Variants in CAMSAP3 observed in about 807,000 individuals in gnomAD.
The protein encoded by CAMSAP3 is calmodulin regulated spectrin associated protein family member 3.
Under a neutral mutation model 112.5 loss-of-function variants are expected in CAMSAP3, and 34 were observed. That is an observed-to-expected ratio of 0.30 (90% CI 0.23 to 0.40). The LOEUF (loss-of-function observed/expected upper bound fraction) is 0.40, where lower values mean the gene tolerates loss of function less well. Ranked by LOEUF, CAMSAP3 falls within the 10% of genes least tolerant of loss-of-function variation. CAMSAP3 has a pLI of 1.00. For synonymous variants in CAMSAP3, 868 were observed against 799.8 expected (o/e 1.09, Z -1.44); for missense variants, 1,602 against 1,770.3 (o/e 0.90, Z 1.71).
rs145801118 is a variant in CAMSAP3 at position 7,608,179 on chromosome 19, G to A, written c.675G>A (p.Thr225=). ...VVARRAPCFP[T]VTSLQDLASG... is the part of the protein sequence containing the mutation. ...CGCGACGTGCCCCCTGCTTCCCGAC[G>A]GTGACCAGCCTCCAGGACCTGGCCA... Residue 225 remains threonine (T), a synonymous_variant, in exon 5 of 17, where the codon ACG becomes ACA. Coordinates refer to ENST00000160298, the MANE Select transcript of CAMSAP3 (RefSeq NM_020902.2). The A allele has an allele frequency of 1.5e-3, 2,431 of 1,612,592 alleles. 30 individuals carry two copies. In the African/African-American group the frequency reaches 0.027, roughly 18 times the overall value.
rs2030282672 is a variant in CAMSAP3, at chr19:7,607,598, T to C, written c.622-528T>C. Among the ~76,000 whole-genome samples the C allele has an allele frequency of 6.6e-6, 1 of 151,984 alleles. No individual in the cohort carries two copies. Among genetic ancestry groups the C allele is most frequent in the African/African-American group, 2.4e-5 (1 of 41,394 alleles). On this transcript the variant is annotated intron_variant, in intron 4 of 16. Coordinates refer to ENST00000160298, the MANE Select transcript of CAMSAP3 (RefSeq NM_020902.2). This position sits in a 1 kb window ranked among gnomAD's most constrained non-coding sequence, Gnocchi z 4.9. ...TCCCCAAGCTGGGGGCCTGGGTCTTTTGTGGGAGGAGGATTCCCCGCATAA... is the reference window on the plus strand; with the variant it reads ...TCCCCAAGCTGGGGGCCTGGGTCTTCTGTGGGAGGAGGATTCCCCGCATAA...
intron 11 of CAMSAP3, among the ~76,000 whole-genome samples, chr19:7,613,497 C>T (rs1342431917): frequency 2.7e-5 from 4 of 150,824 alleles, no homozygotes; most frequent in Non-Finnish European, 5.9e-5. Flanking sequence ...GAGAGGTCCT[C>T]CCCCTGTGGC....
Position 7,610,633 on chromosome 19 carries a change from C to T in CAMSAP3, c.900+18C>T, listed in dbSNP as rs770793725. 1.9e-6 allele frequency: 3 copies of T among 1,613,652 alleles called. No individual in the cohort carries two copies. The South Asian group carries it at 3.3e-5, about 18-fold the overall frequency. Reference sequence around the variant, plus strand: ...CACTCAAGGTAAGGCCATCCTGGGGCCTCCTGGGCCGAGGCGGGCATCTGG... The same window carrying T: ...CACTCAAGGTAAGGCCATCCTGGGGTCTCCTGGGCCGAGGCGGGCATCTGG... On this transcript the variant is annotated intron_variant, in intron 6 of 16. Transcript: ENST00000160298. This position sits in a 1 kb window ranked among gnomAD's most constrained non-coding sequence, Gnocchi z 4.9.
intron 1 of CAMSAP3, among the ~76,000 whole-genome samples, chr19:7,598,748 C>T (rs770836470): frequency 9.9e-5 from 15 of 151,788 alleles, no homozygotes; most frequent in Non-Finnish European, 2.1e-4. Flanking sequence ...GATTGCACCA[C>T]TGCACTCCAG....
chr19:7,615,176 T>C lies in CAMSAP3; in HGVS notation c.2671-7T>C, dbSNP rs1163086672. The C allele has an allele frequency of 6.4e-7, 1 of 1,554,256 alleles. No homozygotes were observed. The highest frequency in any genetic ancestry group is 1.9e-5 in the Admixed American group (1 of 51,454). The stretch of plus-strand genomic sequence containing the variant: ...GGTGGCTGGCTGGACTCGGCGTCTG[T>C]CCCCAGGATGAAGACAAGCCTGAGG... On this transcript the variant is annotated splice_region_variant and splice_polypyrimidine_tract_variant and intron_variant, in intron 11 of 16. Transcript: ENST00000160298. This position sits in a 1 kb window ranked among gnomAD's most constrained non-coding sequence, Gnocchi z 6.5.
In CAMSAP3 at chr19:7,607,252, T is replaced by C. The variant is rs2030270233; in HGVS notation, c.621+681T>C. Among the ~76,000 whole-genome samples, 1 of 152,116 alleles carries C rather than the reference T, an allele frequency of 6.6e-6. No individual in the cohort carries two copies. Among genetic ancestry groups the C allele is most frequent in the African/African-American group, 2.4e-5 (1 of 41,426 alleles). ...TCTGGCCAAGGGGAAGACCCTCCAATGCAGAAGAAGATAGAATAACTTTCC... is the reference window on the plus strand; with the variant it reads ...TCTGGCCAAGGGGAAGACCCTCCAACGCAGAAGAAGATAGAATAACTTTCC... On this transcript the variant is annotated intron_variant, in intron 4 of 16. Coordinates refer to ENST00000160298, the MANE Select transcript of CAMSAP3 (RefSeq NM_020902.2). The surrounding 1 kb of genome is among the most constrained non-coding windows in gnomAD (Gnocchi z 4.9).
intron 11 of CAMSAP3, among the ~76,000 whole-genome samples, chr19:7,613,826 C>T (rs1188628971): frequency 6.6e-6 from 1 of 152,128 alleles, no homozygotes; most frequent in African/African-American, 2.4e-5. Flanking sequence ...TCCACTGTCT[C>T]TCCATTCCCA....
Position 7,611,926 on chromosome 19 carries a change from C to A in CAMSAP3, c.1433C>A (p.Ala478Glu). ...SAEPRLLPDG[A>E]ADGSFYLHSP... ...GAGCCCCGGCTCCTCCCAGATGGGG[C>A]GGCCGACGGCAGCTTCTACCTCCAC... The change falls in exon 11 of 17, where the codon GCG becomes GAG. Residue 478 changes from alanine to glutamate, a missense_variant. By Grantham distance (107) the Ala-to-Glu change is moderately radical. This residue lies in a region of CAMSAP3 where 1,100 missense variants were observed against 1,135.7 expected (regional missense o/e 0.97). Coordinates refer to ENST00000160298, the MANE Select transcript of CAMSAP3 (RefSeq NM_020902.2). This position sits in a 1 kb window ranked among gnomAD's most constrained non-coding sequence, Gnocchi z 6.9. 1 of 1,589,694 alleles carries A rather than the reference C, an allele frequency of 6.3e-7. No homozygotes were observed. Among genetic ancestry groups the A allele is most frequent in the Non-Finnish European group, 8.6e-7 (1 of 1,165,984 alleles).
At position 7,618,124 on chromosome 19, in the gene CAMSAP3, G is replaced by T; in HGVS notation, c.*67G>T. 6.5e-7 allele frequency: 1 copy of T among 1,531,778 alleles called. No homozygotes were observed. Among genetic ancestry groups the T allele is most frequent in the Non-Finnish European group, 8.8e-7 (1 of 1,133,154 alleles). 94.9% of individuals were successfully genotyped at this position (1,531,778 alleles called of 1,614,324 possible). On this transcript the variant is annotated 3_prime_UTR_variant, in exon 17 of 17. Transcript: ENST00000160298. ...GCCGCCATCCCCTGGAGGACAGTCA[G>T]TCGGTATTCCTGGGTCCTGTCTGTC... is the stretch of plus-strand genomic sequence containing the variant.
In CAMSAP3 at chr19:7,610,540, T is replaced by G. The variant is rs772881554; in HGVS notation, c.825T>G (p.Asp275Glu). The G allele has an allele frequency of 3.5e-5, 57 of 1,613,716 alleles. No homozygotes were observed. In the South Asian group the frequency reaches 6.1e-4, roughly 17 times the overall value. The change falls in exon 6 of 17, where the codon GAT becomes GAG. Residue 275 changes from aspartate to glutamate, a missense_variant. Asp to Glu is a conservative substitution (Grantham distance 45, BLOSUM62 2). Transcript: ENST00000160298. This position sits in a 1 kb window ranked among gnomAD's most constrained non-coding sequence, Gnocchi z 4.9. ...TGTACAACCTCCAGCTCGTGCAGGATTTCTGTGCCTCTCGCCTTCCTCGTG... is the reference window on the plus strand; with the variant it reads ...TGTACAACCTCCAGCTCGTGCAGGAGTTCTGTGCCTCTCGCCTTCCTCGTG... ...DSLYNLQLVQ[D>E]FCASRLPRGC...
chr19:7,614,323 ATT>A (rs368266059), intron 11 of CAMSAP3, among the ~76,000 whole-genome samples: 72 of 113,976 alleles, frequency 6.3e-4, no homozygotes, highest in Middle Eastern at 5.9e-3. Context: ...CTTCCTTTTC[ATT>A]TTTTTTTTTT....
rs775192910 is a variant in CAMSAP3 at position 7,617,826 on chromosome 19, C to T, written c.3519C>T (p.Tyr1173=). The T allele has an allele frequency of 6.2e-7, 1 of 1,613,984 alleles. No individual in the cohort carries two copies. The highest frequency in any genetic ancestry group is 8.5e-7 in the Non-Finnish European group (1 of 1,180,044). The part of the protein sequence containing the change: ...RDSSCQFRAL[Y]TLSGETEELS... ...CGAGCTGCCAGTTCCGGGCGCTCTA[C>T]ACGCTGTCGGGGGAGACAGAGGAGC... Residue 1173 remains tyrosine, a synonymous_variant, in exon 17 of 17, where the codon TAC becomes TAT. Transcript: ENST00000160298. The surrounding 1 kb of genome is among the most constrained non-coding windows in gnomAD (Gnocchi z 7.5).
chr19:7,612,165 A>T lies in CAMSAP3; in HGVS notation c.1672A>T (p.Thr558Ser). The T allele has an allele frequency of 6.2e-7, 1 of 1,611,876 alleles. No homozygotes were observed. The highest frequency in any genetic ancestry group is 8.5e-7 in the Non-Finnish European group (1 of 1,179,512). ...GGCGGTGGCTTCGTCCCCAGCAGCC[A>T]CCAACTCCGAGGTGAAAATGACCAG... ...PKAVASSPAA[T>S]NSEVKMTSFA... is the part of the protein sequence containing the mutation. The change falls in exon 11 of 17, where the codon ACC becomes TCC. Residue 558 changes from threonine to serine, a missense_variant. Thr to Ser is a moderately conservative substitution (Grantham distance 58). This residue lies in a region of CAMSAP3 where 1,100 missense variants were observed against 1,135.7 expected (regional missense o/e 0.97). Transcript: ENST00000160298.
intron 2 of CAMSAP3, among the ~76,000 whole-genome samples, chr19:7,605,893 C>T (rs1231478325): frequency 6.6e-6 from 1 of 150,688 alleles, no homozygotes; most frequent in Admixed American, 6.6e-5. Context: ...AAGCTCTGTT[C>T]ATTAAGCCTA....
Position 7,611,595 on chromosome 19 carries a change from A to C in CAMSAP3, c.1193+9A>C, listed in dbSNP as rs1367237016. On this transcript the variant is annotated intron_variant, in intron 10 of 16. Transcript: ENST00000160298. The surrounding 1 kb of genome is among the most constrained non-coding windows in gnomAD (Gnocchi z 6.9). ...TGGAACCGGCAGCTCAGGTGAGTAG[A>C]CCTCACAGGCCAGGGTAGGGGGTGG... The C allele has an allele frequency of 1.2e-6, 2 of 1,611,246 alleles. No homozygotes were observed. The highest frequency in any genetic ancestry group is 2.2e-5 in the South Asian group (2 of 90,860).
Position 7,612,892 on chromosome 19 carries a change from C to T in CAMSAP3, c.2399C>T (p.Pro800Leu), listed in dbSNP as rs1261753414. ...GCACCCTTGACCAGGGTGCTTACGCCACCCCACGACGTAGACAGCCTCCCC... is the reference window on the plus strand; with the variant it reads ...GCACCCTTGACCAGGGTGCTTACGCTACCCCACGACGTAGACAGCCTCCCC... Reference protein sequence around the residue: ...RLAPLTRVLTPPHDVDSLPHL... With the variant: ...RLAPLTRVLTLPHDVDSLPHL... The change falls in exon 11 of 17, where the codon CCA becomes CTA. Residue 800 changes from proline (P) to leucine (L), a missense_variant. By Grantham distance (98) the Pro-to-Leu change is moderately conservative. Around this residue, in one of 6 missense-constraint regions of CAMSAP3, gnomAD observed 1,100 missense variants for 1,135.7 expected, o/e 0.97. Transcript: ENST00000160298. 2 of 1,608,300 alleles carry T rather than the reference C, an allele frequency of 1.2e-6. No individual in the cohort carries two copies. Among genetic ancestry groups the T allele is most frequent in the African/African-American group, 1.3e-5 (1 of 74,762 alleles).
At chr19:7,604,005 C>T (rs1430300410) in intron 1 of CAMSAP3, among the ~76,000 whole-genome samples, 3 of 152,062 alleles carry the variant, frequency 2.0e-5, no homozygotes, top group South Asian at 2.1e-4. Context: ...ATGGCAGCAT[C>T]GCACCTGTAA....
chr19:7,604,080 A>C (rs1341957002), intron 1 of CAMSAP3, among the ~76,000 whole-genome samples: 1 of 152,160 alleles, frequency 6.6e-6, no homozygotes, highest in East Asian at 1.9e-4. Context: ...GGTTGCAGTG[A>C]GCCAAGATTG....
rs2030280653 is a variant in CAMSAP3 at position 7,607,549 on chromosome 19, C to T, written c.622-577C>T. ...CCTGGGTTGGGAGGTTCCCTTCCTG[C>T]CTACCCGCTTCCTCTGCATCCTCTC... On this transcript the variant is annotated intron_variant, in intron 4 of 16. Coordinates refer to ENST00000160298, the MANE Select transcript of CAMSAP3 (RefSeq NM_020902.2). The surrounding 1 kb of genome is among the most constrained non-coding windows in gnomAD (Gnocchi z 4.9). 6.6e-6 allele frequency among the ~76,000 whole-genome samples: 1 copy of T among 152,116 alleles called. No homozygotes were observed. The highest frequency in any genetic ancestry group is 2.4e-5 in the African/African-American group (1 of 41,426).
Sources: gnomAD v4.1 joint callset for allele counts (sites outside exome capture counted in the v4.1 genomes callset) on GRCh38, gnomAD v4.1.1 for gene constraint, gnomAD v4.1.1 regional missense constraint, Gnocchi (gnomAD v3.1) non-coding constraint, MANE v1.5 for transcripts, NCBI Gene and HGNC (gene_info 2026-07-23, HGNC 2026-07-21) for gene names.